Variants in NFATC3 observed in about 807,000 individuals in gnomAD.
NFATC3 encodes nuclear factor of activated T-cells, cytoplasmic 3.
In NFATC3, 46 loss-of-function variants were observed where a neutral mutation model predicts 98.6. The observed-to-expected ratio is 0.47, with a 90% CI of 0.37 to 0.60. The LOEUF is 0.60. Among genes scored for constraint, NFATC3 ranks in the 20% least tolerant of loss-of-function variants. NFATC3 has a pLI of 0.00. For missense variants in NFATC3, 1,256 were observed against 1,295.5 expected (o/e 0.97, Z 0.47); for synonymous variants, 512 against 472.2 (o/e 1.08, Z -1.09).
chr16:68,142,340 A>G lies in NFATC3; in HGVS notation c.1402-15529A>G, dbSNP rs376052478. Among the ~76,000 whole-genome samples, 11 of 152,112 alleles carry G rather than the reference A, an allele frequency of 7.2e-5. No homozygotes were observed. The South Asian group carries it at 8.3e-4, about 11-fold the overall frequency. On this transcript the variant is annotated intron_variant, in intron 3 of 9. Coordinates refer to ENST00000346183, the MANE Select transcript of NFATC3 (RefSeq NM_173165.3). ...GTATTTTATTACTTTTGTTGTAGCT[A>G]TTGTAAAAGGGATTGAGTTCTTGAT... is the stretch of plus-strand genomic sequence containing the variant.
intron 9 of NFATC3, 170 bp from the exon 10 acceptor site, chr16:68,226,180 C>T (rs8056649): frequency 0.14 from 93,759 of 671,408 alleles, 7,620 homozygotes; most frequent in African/African-American, 0.28. Context: ...GTTTGTGGAG[C>T]GATGTTTCCA....
At chr16:68,208,078 C>G (rs2151150564) in intron 9 of NFATC3, among the ~76,000 whole-genome samples, 1 of 152,086 alleles carries the variant, frequency 6.6e-6, no homozygotes, top group African/African-American at 2.4e-5. Context: ...CTGTGTCACC[C>G]AAGCTGGAGT....
At chr16:68,143,509 C>A (rs2037869615) in intron 3 of NFATC3, among the ~76,000 whole-genome samples, 1 of 152,062 alleles carries the variant, frequency 6.6e-6, no homozygotes, top group Non-Finnish European at 1.5e-5. Context: ...TAACCCAAAC[C>A]TCACATCTTT....
intron 1 of NFATC3, among the ~76,000 whole-genome samples, chr16:68,114,752 T>C (rs2036180076): frequency 6.6e-6 from 1 of 151,960 alleles, no homozygotes; most frequent in African/African-American, 2.4e-5. Context: ...TTTTTGTATG[T>C]TTAGTAGAGA....
At chr16:68,148,278 A>G (rs1313941621) in intron 3 of NFATC3, among the ~76,000 whole-genome samples, 1 of 152,096 alleles carries the variant, frequency 6.6e-6, no homozygotes, top group Non-Finnish European at 1.5e-5. Flanking sequence ...GGCCTCCCAA[A>G]GTGCTGGGAT....
intron 9 of NFATC3, among the ~76,000 whole-genome samples, chr16:68,218,416 A>C (rs543054293): frequency 6.7e-6 from 1 of 149,996 alleles, no homozygotes; most frequent in Non-Finnish European, 1.5e-5. Context: ...TCTACCAAAA[A>C]TTTAAGAAAA....
At chr16:68,110,394 C>T (rs1165456943) in intron 1 of NFATC3, among the ~76,000 whole-genome samples, 4 of 151,398 alleles carry the variant, frequency 2.6e-5, no homozygotes, top group South Asian at 2.1e-4. Flanking sequence ...CTGTAAGCTC[C>T]GCCTCCCGGG....
At chr16:68,143,748 A>G (rs1272677971) in intron 3 of NFATC3, among the ~76,000 whole-genome samples, 1 of 152,104 alleles carries the variant, frequency 6.6e-6, no homozygotes, top group African/African-American at 2.4e-5. Context: ...CTAAGTCTGG[A>G]GGCTGAGGCA....
intron 5 of NFATC3, among the ~76,000 whole-genome samples, chr16:68,171,955 A>G (rs1194429817): frequency 2.0e-5 from 3 of 151,808 alleles, no homozygotes; most frequent in African/African-American, 7.3e-5. Flanking sequence ...CACCTGGCTA[A>G]TTTTTGTATT....
chr16:68,125,258 G>A (rs2036776344), intron 2 of NFATC3, among the ~76,000 whole-genome samples: 1 of 152,140 alleles, frequency 6.6e-6, no homozygotes, highest in Non-Finnish European at 1.5e-5. Flanking sequence ...ACAGGAGTAG[G>A]ACTTAAAGCT....
chr16:68,126,296 C>G, intron 2 of NFATC3, 152 bp from the exon 3 acceptor site: 1 of 597,122 alleles, frequency 1.7e-6, no homozygotes, highest in Non-Finnish European at 2.8e-6. Context: ...TCACCATAAC[C>G]AGAATTGTAA....
intron 9 of NFATC3, among the ~76,000 whole-genome samples, chr16:68,215,745 T>TTTTTTTG (rs1237092915): frequency 6.7e-6 from 1 of 148,344 alleles, no homozygotes; most frequent in Non-Finnish European, 1.5e-5. Context: ...TTTTTTTTTT[T>TTTTTTTG]GAGATGGAGT....
intron 9 of NFATC3, among the ~76,000 whole-genome samples, chr16:68,210,834 T>C (rs1244451364): frequency 6.6e-6 from 1 of 152,112 alleles, no homozygotes; most frequent in African/African-American, 2.4e-5. Flanking sequence ...CAGGCAGGAA[T>C]GCAGTGGTGT....
intron 1 of NFATC3, among the ~76,000 whole-genome samples, chr16:68,088,093 G>A (rs2034488397): frequency 6.6e-6 from 1 of 151,930 alleles, no homozygotes. Flanking sequence ...GAACAAAGTG[G>A]ATTCACTGAA....
At chr16:68,172,852 C>G (rs1047547535) in intron 5 of NFATC3, among the ~76,000 whole-genome samples, 5 of 152,096 alleles carry the variant, frequency 3.3e-5, no homozygotes, top group Non-Finnish European at 7.4e-5. Context: ...GTTTGAAACT[C>G]AAGCAATTAA....
At chr16:68,156,041 G>A (rs193060017) in intron 3 of NFATC3, among the ~76,000 whole-genome samples, 16 of 152,328 alleles carry the variant, frequency 1.1e-4, no homozygotes, top group Admixed American at 9.2e-4. Flanking sequence ...GATTGGCTGG[G>A]TGCATTGACT....
At position 68,226,355 on chromosome 16, in the gene NFATC3, G is replaced by A. The variant is rs767166889; in HGVS notation, c.3112G>A (p.Glu1038Lys). The A allele has an allele frequency of 3.2e-6, 5 of 1,570,080 alleles. No individual in the cohort carries two copies. The highest frequency in any genetic ancestry group is 3.4e-6 in the Non-Finnish European group (4 of 1,163,326). ...LQDITLDDVN[E>K]IIGRDMSQIS... ...TCCCTTTTCTTGTTTTTCAGTGAAC[G>A]AGATAATTGGGAGAGACATGTCCCA... The change falls in exon 10 of 10, where the codon GAG (glutamate) becomes AAG (lysine). Residue 1038 changes from glutamate to lysine, a missense_variant. Glu to Lys is a moderately conservative substitution (Grantham distance 56, BLOSUM62 1). Coordinates refer to ENST00000346183, the MANE Select transcript of NFATC3 (RefSeq NM_173165.3).
intron 9 of NFATC3, among the ~76,000 whole-genome samples, chr16:68,199,515 C>T (rs1318757989): frequency 4.0e-5 from 6 of 148,786 alleles, no homozygotes; most frequent in South Asian, 4.3e-4. Flanking sequence ...TGAGCCACCG[C>T]GCCCGGCCCC....
In NFATC3 at chr16:68,226,455, G is replaced by T; in HGVS notation, c.3212G>T (p.Arg1071Ile). Residue 1071 changes from arginine (R) to isoleucine (I), a missense_variant, in exon 10 of 10, where the codon AGA (arginine) becomes ATA (isoleucine). Transcript: ENST00000346183. ...LPSPESLDLGRSDGL is the reference protein window; with the variant it reads ...LPSPESLDLGISDGL ...AGTCCTGAGTCCCTGGATTTAGGAA[G>T]ATCTGATGGGCTCTAACAGTGCTTA... is the stretch of plus-strand genomic sequence containing the variant. 1 of 1,550,518 alleles carries T rather than the reference G, an allele frequency of 6.4e-7. No individual in the cohort carries two copies. Among genetic ancestry groups the T allele is most frequent in the African/African-American group, 1.4e-5 (1 of 70,488 alleles).
Sources: allele counts gnomAD v4.1 joint callset (sites outside exome capture counted in the v4.1 genomes callset), GRCh38; gene constraint gnomAD v4.1.1; transcripts MANE v1.5; gene names NCBI Gene and HGNC (gene_info 2026-07-23, HGNC 2026-07-21).